The following MCTP2 variants were observed in gnomAD, a reference collection of about 807,000 sequenced individuals.
The protein encoded by MCTP2 is multiple C2 and transmembrane domain containing 2.
MCTP2 carries 132 observed loss-of-function variants against 111.6 expected under a neutral mutation model. The ratio of observed to expected loss-of-function variants is 1.18; its 90% CI spans 1.03 to 1.37. The LOEUF is 1.37. Ranked by LOEUF, MCTP2 falls within the 40% of genes most tolerant of loss-of-function variation. The probability of loss-of-function intolerance (pLI) is 0.00; values close to 1 mark genes in which losing one functional copy is unlikely to be tolerated. For synonymous variants in MCTP2, 395 were observed against 387.7 expected (o/e 1.02, Z -0.22); for missense variants, 1,183 against 1,067.9 (o/e 1.11, Z -1.50).
At chr15:94,392,684 C>A (rs2081055061) in intron 14 of MCTP2, among the ~76,000 whole-genome samples, 1 of 151,818 alleles carries the variant, frequency 6.6e-6, no homozygotes, top group Non-Finnish European at 1.5e-5. Context: ...GGCATGGTGG[C>A]ATGCGCCTGT....
intron 2 of MCTP2, among the ~76,000 whole-genome samples, chr15:94,306,022 G>C (rs181495833): frequency 6.6e-6 from 1 of 152,122 alleles, no homozygotes; most frequent in Non-Finnish European, 1.5e-5. Flanking sequence ...CTTGCCGTAG[G>C]TATTGATGGT....
chr15:94,300,509 CA>C (rs34484349), intron 2 of MCTP2, among the ~76,000 whole-genome samples: 66 of 126,300 alleles, frequency 5.2e-4, no homozygotes, highest in Non-Finnish European at 5.6e-4. Context: ...GACTCTGTCT[CA>C]AAAAAAAAAA....
intron 17 of MCTP2, among the ~76,000 whole-genome samples, chr15:94,408,123 G>A (rs1048717144): frequency 3.9e-5 from 6 of 152,234 alleles, no homozygotes; most frequent in Non-Finnish European, 8.8e-5. Flanking sequence ...TACTCACAAC[G>A]AAATGCACCT....
At chr15:94,457,824 G>A (rs2304295) in intron 19 of MCTP2, among the ~76,000 whole-genome samples, 20,103 of 152,140 alleles carry the variant, frequency 0.13, 1,708 homozygotes, top group Non-Finnish European at 0.2. Context: ...CCAGACTGAC[G>A]GGATTGCAGA....
At chr15:94,422,937 C>T (rs963581270) in intron 17 of MCTP2, among the ~76,000 whole-genome samples, 9 of 152,164 alleles carry the variant, frequency 5.9e-5, no homozygotes, top group Non-Finnish European at 1.2e-4. Context: ...CTCAAGGGAT[C>T]CTCCTGCTTT....
chr15:94,466,958 A>C (rs776955636), intron 20 of MCTP2, among the ~76,000 whole-genome samples: 4 of 152,200 alleles, frequency 2.6e-5, no homozygotes, highest in Non-Finnish European at 5.9e-5. Flanking sequence ...ACTCTACCAG[A>C]TATCAATAAC....
Position 94,390,435 on chromosome 15 carries a change from G to A in MCTP2, c.1788+4910G>A, listed in dbSNP as rs138827533. Among the ~76,000 whole-genome samples, 894 of 152,030 alleles carry A rather than the reference G, an allele frequency of 5.9e-3. 13 individuals are homozygous for A. The highest frequency in any genetic ancestry group is 0.021 in the African/African-American group (856 of 41,472). On this transcript the variant is annotated intron_variant, in intron 14 of 22. Coordinates refer to ENST00000357742, the MANE Select transcript of MCTP2 (RefSeq NM_001385001.1). ...TTAAAACATGTCAGGCAGTAGACAC[G>A]ATCTTCTGATAATTCACTGACTCAA...
intron 12 of MCTP2, among the ~76,000 whole-genome samples, chr15:94,380,147 C>T (rs1289695932): frequency 2.0e-5 from 3 of 152,024 alleles, no homozygotes; most frequent in Admixed American, 6.6e-5. Flanking sequence ...GGCCGTAGCA[C>T]TGTTCTTGGG....
chr15:94,419,418 A>G (rs2082521301), intron 17 of MCTP2, among the ~76,000 whole-genome samples: 1 of 152,138 alleles, frequency 6.6e-6, no homozygotes, highest in African/African-American at 2.4e-5. Flanking sequence ...ACTTAGAGGT[A>G]TAAGTGGAAA....
intron 4 of MCTP2, among the ~76,000 whole-genome samples, chr15:94,321,950 A>T (rs1339384453): frequency 6.6e-6 from 1 of 152,236 alleles, no homozygotes; most frequent in Admixed American, 6.5e-5. Flanking sequence ...GTGAAAGTGG[A>T]TCATCATAAA....
At chr15:94,363,638 C>G (rs190856550) in intron 10 of MCTP2, among the ~76,000 whole-genome samples, 7 of 152,220 alleles carry the variant, frequency 4.6e-5, no homozygotes, top group Non-Finnish European at 1.0e-4. Flanking sequence ...TGCAGATGAG[C>G]TATGGGAGTT....
intron 8 of MCTP2, among the ~76,000 whole-genome samples, chr15:94,354,009 T>C (rs2078462242): frequency 8.0e-6 from 1 of 124,432 alleles, no homozygotes; most frequent in Non-Finnish European, 1.7e-5. Flanking sequence ...ATGTTATTTT[T>C]ATATATAATA....
chr15:94,296,374 AC>A (rs2075278204), intron 1 of MCTP2, among the ~76,000 whole-genome samples: 1 of 152,228 alleles, frequency 6.6e-6, no homozygotes, highest in South Asian at 2.1e-4. Context: ...ATGACCCAAT[AC>A]AAAGTAATTG....
intron 1 of MCTP2, among the ~76,000 whole-genome samples, chr15:94,283,307 G>GA (rs1183354205): frequency 6.6e-6 from 1 of 152,182 alleles, no homozygotes; most frequent in Non-Finnish European, 1.5e-5. Context: ...CTCTGTCGGG[G>GA]TCCAGCAGCT....
chr15:94,349,074 A>G (rs971268296), intron 8 of MCTP2, among the ~76,000 whole-genome samples: 5 of 152,054 alleles, frequency 3.3e-5, no homozygotes, highest in African/African-American at 1.2e-4. Flanking sequence ...CTGTCAATCA[A>G]TCAATCTAAA....
At chr15:94,361,140 A>G (rs1437933463) in intron 10 of MCTP2, among the ~76,000 whole-genome samples, 1 of 25,242 alleles carries the variant, frequency 4.0e-5, no homozygotes, top group Admixed American at 5.7e-4. Context: ...TTTCTTTGTG[A>G]TCTTCATTCT....
chr15:94,289,996 TG>T (rs2074958573), intron 1 of MCTP2, among the ~76,000 whole-genome samples: 1 of 152,126 alleles, frequency 6.6e-6, no homozygotes, highest in African/African-American at 2.4e-5. Flanking sequence ...GCTTTGAAGA[TG>T]GAGAAAGGGG....
intron 10 of MCTP2, among the ~76,000 whole-genome samples, chr15:94,361,315 G>T (rs2152429713): frequency 6.6e-6 from 1 of 151,950 alleles, no homozygotes; most frequent in South Asian, 2.1e-4. Context: ...AAATCTAGAT[G>T]GACTCTCTGG....
intron 1 of MCTP2, among the ~76,000 whole-genome samples, chr15:94,275,151 T>G (rs2074121188): frequency 6.6e-6 from 1 of 152,184 alleles, no homozygotes; most frequent in Admixed American, 6.5e-5. Context: ...AGAAGAGAAT[T>G]TTCTTAACTT....
Sources: gnomAD v4.1 joint callset for allele counts (sites outside exome capture counted in the v4.1 genomes callset) on GRCh38, gnomAD v4.1.1 for gene constraint, MANE v1.5 for transcripts, NCBI Gene and HGNC (gene_info 2026-07-23, HGNC 2026-07-21) for gene names.